Variants in MGAT4C observed in about 807,000 individuals in gnomAD.
MGAT4C encodes the protein MGAT4 family member C.
In MGAT4C, 19 loss-of-function variants were observed where a neutral mutation model predicts 40.1. That is an observed-to-expected ratio of 0.47 (90% CI 0.33 to 0.70). The LOEUF is 0.70. Ranked by LOEUF, MGAT4C falls within the 30% of genes least tolerant of loss-of-function variation. MGAT4C has a pLI of 0.02. For synonymous variants in MGAT4C, 181 were observed against 187.1 expected (o/e 0.97, Z 0.27); for missense variants, 491 against 563.2 (o/e 0.87, Z 1.30).
intron 4 of MGAT4C, among the ~76,000 whole-genome samples, chr12:86,274,594 G>A (rs1213109371): frequency 3.3e-5 from 5 of 152,108 alleles, no homozygotes; most frequent in Non-Finnish European, 7.4e-5. Flanking sequence ...ATGGCTGCTA[G>A]ACAATAACCA....
At chr12:86,129,054 G>A (rs1218498491) in intron 1 of MGAT4C, among the ~76,000 whole-genome samples, 2 of 152,124 alleles carry the variant, frequency 1.3e-5, no homozygotes, top group East Asian at 1.9e-4. Context: ...CTCTGAGCAA[G>A]AGGTGAATGG....
intron 3 of MGAT4C, among the ~76,000 whole-genome samples, chr12:86,417,026 T>C (rs1956731942): frequency 6.6e-6 from 1 of 152,064 alleles, no homozygotes; most frequent in African/African-American, 2.4e-5. Flanking sequence ...TACATTTCTA[T>C]TTTTTTAAGC....
At chr12:86,165,726 T>G (rs867473031) in intron 1 of MGAT4C, among the ~76,000 whole-genome samples, 32 of 152,290 alleles carry the variant, frequency 2.1e-4, no homozygotes, top group South Asian at 1.7e-3. Flanking sequence ...ATATTTGATA[T>G]TTTTATACAA....
intron 1 of MGAT4C, among the ~76,000 whole-genome samples, chr12:86,092,703 C>T (rs1348431600): frequency 6.6e-6 from 1 of 151,978 alleles, no homozygotes; most frequent in Admixed American, 6.6e-5. Flanking sequence ...GCATCTAGAC[C>T]CATCGTCTCT....
chr12:86,259,327 CA>C (rs1389086601), upstream of MGAT4C, among the ~76,000 whole-genome samples: 1 of 151,482 alleles, frequency 6.6e-6, no homozygotes, highest in Non-Finnish European at 1.5e-5. Context: ...GGGTTAAGGT[CA>C]AAAATAAGAT....
At chr12:86,690,355 T>C (rs1356635844) in intron 2 of MGAT4C, among the ~76,000 whole-genome samples, 2 of 152,214 alleles carry the variant, frequency 1.3e-5, no homozygotes, top group Admixed American at 6.5e-5. Flanking sequence ...CAGGCACCAC[T>C]GGGGTACGAA....
At chr12:86,268,182 T>G (rs1952837545) in intron 4 of MGAT4C, among the ~76,000 whole-genome samples, 1 of 152,126 alleles carries the variant, frequency 6.6e-6, no homozygotes, top group African/African-American at 2.4e-5. Flanking sequence ...GCCTTAGAAA[T>G]TATTGATCTC....
At chr12:86,631,911 T>C (rs922281511) in intron 2 of MGAT4C, among the ~76,000 whole-genome samples, 5 of 152,092 alleles carry the variant, frequency 3.3e-5, no homozygotes, top group African/African-American at 9.7e-5. Flanking sequence ...AAATGGGATC[T>C]AATTAAACTA....
intron 1 of MGAT4C, among the ~76,000 whole-genome samples, chr12:86,095,864 T>C (rs2135582529): frequency 6.6e-6 from 1 of 151,970 alleles, no homozygotes; most frequent in South Asian, 2.1e-4. Context: ...ATATTGACTA[T>C]TACTTAGTCT....
At chr12:86,213,399 G>C (rs1950558507) in intron 1 of MGAT4C, among the ~76,000 whole-genome samples, 1 of 152,032 alleles carries the variant, frequency 6.6e-6, no homozygotes. Context: ...GATTGCACAG[G>C]GACAAAGTCA....
chr12:86,306,826 T>C (rs1290377492), intron 4 of MGAT4C, among the ~76,000 whole-genome samples: 1 of 127,514 alleles, frequency 7.8e-6, no homozygotes, highest in Non-Finnish European at 1.6e-5. Flanking sequence ...ATGATTGAAC[T>C]ATAGACAGAT....
intron 3 of MGAT4C, among the ~76,000 whole-genome samples, chr12:86,353,070 AAAAG>A (rs1228498560): frequency 6.6e-6 from 1 of 150,856 alleles, no homozygotes; most frequent in Non-Finnish European, 1.5e-5. Flanking sequence ...ATTATAAAAA[AAAAG>A]AAAGAGATCC....
At chr12:86,542,406 C>G (rs1331303701) in intron 2 of MGAT4C, among the ~76,000 whole-genome samples, 1 of 152,098 alleles carries the variant, frequency 6.6e-6, no homozygotes, top group Non-Finnish European at 1.5e-5. Flanking sequence ...AAATAAAAAC[C>G]AAACCAAAGG....
At chr12:86,813,187 A>G (rs182911249) in intron 1 of MGAT4C, among the ~76,000 whole-genome samples, 1 of 152,162 alleles carries the variant, frequency 6.6e-6, no homozygotes, top group Non-Finnish European at 1.5e-5. Flanking sequence ...ATAGTTCTAT[A>G]TCATATCCAG....
At position 86,491,156 on chromosome 12, in the gene MGAT4C, G is replaced by C. The variant is rs541283263; in HGVS notation, c.-228-55891C>G. 5.3e-5 allele frequency among the ~76,000 whole-genome samples: 8 copies of C among 152,144 alleles called. No homozygotes were observed. In the East Asian group the frequency reaches 1.5e-3, roughly 29 times the overall value. ...TCTGAAATTGTGGCAATAATCAATAGCTTACCAACCAAAAAGAGTCCAGGA... is the reference window on the plus strand; with the variant it reads ...TCTGAAATTGTGGCAATAATCAATACCTTACCAACCAAAAAGAGTCCAGGA... On this transcript the variant is annotated intron_variant, in intron 2 of 7. Coordinates refer to the MGAT4C transcript ENST00000548651.
At position 86,574,072 on chromosome 12, in the gene MGAT4C, A is replaced by C. The variant is rs1049684815; in HGVS notation, c.-228-138807T>G. 1.2e-4 allele frequency among the ~76,000 whole-genome samples: 18 copies of C among 151,786 alleles called. No individual in the cohort carries two copies. The Admixed American group carries it at 1.2e-3, about 10-fold the overall frequency. ...CTTTTTTTTCATTTCCTAAAAAAAA[A>C]CCTGTATGAAAATTAGCTATTTTCT... On this transcript the variant is annotated intron_variant, in intron 2 of 7. Transcript: ENST00000548651.
intron 3 of MGAT4C, among the ~76,000 whole-genome samples, chr12:86,428,178 A>T (rs1306890761): frequency 6.6e-6 from 1 of 152,194 alleles, no homozygotes; most frequent in Non-Finnish European, 1.5e-5. Flanking sequence ...TATTTAGATT[A>T]TTTCATTTAA....
chr12:86,362,746 A>G lies in MGAT4C; in HGVS notation c.-119-28619T>C, dbSNP rs373510822. Reference sequence around the variant, plus strand: ...GCCGGGCATGGTGGTGGGCACCTGTAGTCCCAGCTACCTGGGAGGCTGAGG... The same window carrying G: ...GCCGGGCATGGTGGTGGGCACCTGTGGTCCCAGCTACCTGGGAGGCTGAGG... On this transcript the variant is annotated intron_variant, in intron 3 of 7. Transcript: ENST00000548651. Among the ~76,000 whole-genome samples, 9 of 151,668 alleles carry G rather than the reference A, an allele frequency of 5.9e-5. No homozygotes were observed. The East Asian group carries it at 1.4e-3, about 23-fold the overall frequency.
At chr12:86,177,422 A>G (rs919421160) in intron 1 of MGAT4C, among the ~76,000 whole-genome samples, 3 of 152,198 alleles carry the variant, frequency 2.0e-5, no homozygotes, top group Non-Finnish European at 4.4e-5. Flanking sequence ...TGTGTACATA[A>G]ACAAAAAATT....
Sources: allele counts gnomAD v4.1 joint callset (sites outside exome capture counted in the v4.1 genomes callset), GRCh38; gene constraint gnomAD v4.1.1; transcripts MANE v1.5; gene names NCBI Gene and HGNC (gene_info 2026-07-23, HGNC 2026-07-21).